SHC3: variants seen among roughly 807,000 people sequenced by gnomAD.
SHC3 encodes the protein SHC adaptor protein 3, also known as SHC-transforming protein 3.
SHC3 carries 15 observed loss-of-function variants against 60.4 expected under a neutral mutation model. That is an observed-to-expected ratio of 0.25 (90% CI 0.17 to 0.38). The LOEUF (loss-of-function observed/expected upper bound fraction) is 0.38, where lower values mean the gene tolerates loss of function less well. SHC3 is among the 10% of genes least tolerant of loss of function. The pLI is 1.00. For synonymous variants in SHC3, 294 were observed against 325.9 expected (o/e 0.90, Z 1.05); for missense variants, 677 against 786.1 (o/e 0.86, Z 1.66).
intron 1 of SHC3, among the ~76,000 whole-genome samples, chr9:89,165,962 G>A (rs7046217): frequency 0.24 from 36,812 of 151,896 alleles, 4,751 homozygotes; most frequent in African/African-American, 0.32. Flanking sequence ...CACACAGAAG[G>A]TAGAATAATC....
At chr9:89,057,202 C>T (rs9410307) in intron 6 of SHC3, among the ~76,000 whole-genome samples, 63,456 of 152,060 alleles carry the variant, frequency 0.42, 15,327 homozygotes, top group East Asian at 0.98. Flanking sequence ...ATATCAAAAA[C>T]GAATGAATTC....
At chr9:89,165,888 A>G (rs557668971) in intron 1 of SHC3, among the ~76,000 whole-genome samples, 187 of 152,268 alleles carry the variant, frequency 1.2e-3, no homozygotes, top group Non-Finnish European at 2.2e-3. Context: ...CTCAGCTTCC[A>G]ACATCACTCC....
chr9:89,088,298 T>A (rs1311913448), intron 2 of SHC3, among the ~76,000 whole-genome samples: 1 of 152,244 alleles, frequency 6.6e-6, no homozygotes, highest in African/African-American at 2.4e-5. Context: ...GTCTAGAAGC[T>A]TCAAGTTGTC....
intron 1 of SHC3, among the ~76,000 whole-genome samples, chr9:89,161,047 T>C (rs2118240686): frequency 6.6e-6 from 1 of 152,290 alleles, no homozygotes; most frequent in East Asian, 1.9e-4. Context: ...GTCTGTCGCA[T>C]ATGAAGTATT....
intron 2 of SHC3, among the ~76,000 whole-genome samples, chr9:89,080,047 T>A (rs1255912970): frequency 6.6e-6 from 1 of 152,254 alleles, no homozygotes; most frequent in Non-Finnish European, 1.5e-5. Context: ...CTGCAATATT[T>A]AGATGCCTGG....
chr9:89,143,208 G>A (rs1467488380), intron 1 of SHC3, among the ~76,000 whole-genome samples: 1 of 152,022 alleles, frequency 6.6e-6, no homozygotes, highest in East Asian at 1.9e-4. Context: ...GATTATTAAT[G>A]CCTCCCCTGT....
chr9:89,151,592 A>G (rs1389966145), intron 1 of SHC3, among the ~76,000 whole-genome samples: 1 of 152,190 alleles, frequency 6.6e-6, no homozygotes, highest in Non-Finnish European at 1.5e-5. Context: ...TTATAGCAGC[A>G]GGAACAGACT....
Position 89,006,225 on chromosome 9 carries a change from G to C in SHC3, c.*7222C>G, listed in dbSNP as rs1825937642. 1 of 152,236 alleles carries C rather than the reference G, an allele frequency of 6.6e-6. No individual in the cohort carries two copies. Among genetic ancestry groups the C allele is most frequent in the Non-Finnish European group, 1.5e-5 (1 of 68,054 alleles). The allele number at this position is 152,236 out of a possible 1,614,324, so 9.4% of individuals were successfully genotyped here. A position where few individuals can be genotyped will look rare whatever the true frequency, so the allele number is the denominator to read the frequency against. On this transcript the variant is annotated 3_prime_UTR_variant, in exon 12 of 12. Coordinates refer to ENST00000375835, the MANE Select transcript of SHC3 (RefSeq NM_016848.6). ...ATCCCAGGAGCACAGAAATGCACCA[G>C]ACAGATCATGAAGGGCTAATGCTTG... is the stretch of plus-strand genomic sequence containing the variant.
intron 2 of SHC3, among the ~76,000 whole-genome samples, chr9:89,084,112 C>A (rs1365088035): frequency 6.6e-6 from 1 of 152,200 alleles, no homozygotes. Context: ...GTGTTGAAAT[C>A]ACTTTAATCT....
rs541003946 is a variant in SHC3 at position 89,154,858 on chromosome 9, T to C, written c.474+23129A>G. Among the ~76,000 whole-genome samples, 25 of 152,326 alleles carry C rather than the reference T, an allele frequency of 1.6e-4. No individual in the cohort carries two copies. In the South Asian group the frequency reaches 5.2e-3, roughly 32 times the overall value. On this transcript the variant is annotated intron_variant, in intron 1 of 11. Coordinates refer to ENST00000375835, the MANE Select transcript of SHC3 (RefSeq NM_016848.6). ...GCAATGCAATAGACCACATCTGCTA[T>C]CCAAAGTCAAAGGAAAAGAGCAAAG...
chr9:89,081,324 C>A (rs1252537269), intron 2 of SHC3, among the ~76,000 whole-genome samples: 1 of 152,182 alleles, frequency 6.6e-6, no homozygotes, highest in African/African-American at 2.4e-5. Context: ...AACACAAACA[C>A]ATACTCAACT....
intron 1 of SHC3, among the ~76,000 whole-genome samples, chr9:89,146,343 C>T (rs746965946): frequency 1.3e-5 from 2 of 150,938 alleles, no homozygotes; most frequent in African/African-American, 2.4e-5. Context: ...GGTGACGGAG[C>T]GAGACTTTGT....
rs551352945 is a variant in SHC3 at position 89,140,786 on chromosome 9, GT to G, written c.475-28161del. Among the ~76,000 whole-genome samples the G allele has an allele frequency of 4.5e-3, 684 of 152,242 alleles. 4 individuals are homozygous for G. The highest frequency in any genetic ancestry group is 7.0e-3 in the Non-Finnish European group (476 of 68,020). On this transcript the variant is annotated intron_variant, in intron 1 of 11. Transcript: ENST00000375835. ...TGTTTTTCTCCAGGAGTTCTAGGCT[GT>G]TAGTAATTATCTCAGGTTCTCTTAT... is the stretch of plus-strand genomic sequence containing the variant.
chr9:89,041,750 T>A (rs1824690189), intron 10 of SHC3, among the ~76,000 whole-genome samples: 1 of 152,182 alleles, frequency 6.6e-6, no homozygotes, highest in South Asian at 2.1e-4. Context: ...AAATAAACAT[T>A]TGTGTATGTA....
chr9:89,045,512 T>C (rs1471799353), intron 9 of SHC3, among the ~76,000 whole-genome samples: 9 of 152,028 alleles, frequency 5.9e-5, no homozygotes, highest in Non-Finnish European at 1.2e-4. Flanking sequence ...TGACCTCAGG[T>C]GATTGTCCCG....
chr9:89,163,275 C>T (rs1417551053), intron 1 of SHC3, among the ~76,000 whole-genome samples: 1 of 152,136 alleles, frequency 6.6e-6, no homozygotes, highest in African/African-American at 2.4e-5. Context: ...AATCATGCTG[C>T]TATAAAGACA....
At position 89,148,233 on chromosome 9, in the gene SHC3, C is replaced by T. The variant is rs1266133961; in HGVS notation, c.474+29754G>A. Among the ~76,000 whole-genome samples, 8 of 152,140 alleles carry T rather than the reference C, an allele frequency of 5.3e-5. No individual in the cohort carries two copies. The Middle Eastern group carries it at 0.01, about 194-fold the overall frequency. ...ATCAGTCTGGAATTTCGATATTTCGCGATTAAATAGGCCTTCCCCTCAGCT... is the reference window on the plus strand; with the variant it reads ...ATCAGTCTGGAATTTCGATATTTCGTGATTAAATAGGCCTTCCCCTCAGCT... On this transcript the variant is annotated intron_variant, in intron 1 of 11. Coordinates refer to ENST00000375835, the MANE Select transcript of SHC3 (RefSeq NM_016848.6).
intron 6 of SHC3, among the ~76,000 whole-genome samples, chr9:89,060,677 T>A (rs1398431824): frequency 1.3e-5 from 2 of 151,970 alleles, no homozygotes; most frequent in East Asian, 1.9e-4. Context: ...ATGGGACATT[T>A]TATTTGGAGT....
In SHC3 at chr9:89,112,556, C is replaced by T. The variant is rs1201299517; in HGVS notation, c.545G>A (p.Arg182Lys). ...LDFSTRTQIT[R>K]EAISRVCEAV... is the part of the protein sequence containing the mutation. Reference sequence around the variant, plus strand: ...GGAGTCCATTTTCAAGAGGGCTTACCTGGTAATTTGTGTTCTTGTACTGAA... The same window carrying T: ...GGAGTCCATTTTCAAGAGGGCTTACTTGGTAATTTGTGTTCTTGTACTGAA... The change falls in exon 2 of 12, where the codon AGG becomes AAG. Residue 182 changes from arginine (R) to lysine (K), a missense_variant and splice_region_variant. Arg to Lys is a conservative substitution (Grantham distance 26). Coordinates refer to ENST00000375835, the MANE Select transcript of SHC3 (RefSeq NM_016848.6). 6.2e-7 allele frequency: 1 copy of T among 1,607,724 alleles called. No homozygotes were observed. Among genetic ancestry groups the T allele is most frequent in the Admixed American group, 1.7e-5 (1 of 58,620 alleles).
Sources: allele counts gnomAD v4.1 joint callset (sites outside exome capture counted in the v4.1 genomes callset), GRCh38; gene constraint gnomAD v4.1.1; transcripts MANE v1.5; gene names NCBI Gene and HGNC (gene_info 2026-07-23, HGNC 2026-07-21).